The following PTPRA variants were observed in gnomAD, a reference collection of about 807,000 sequenced individuals.
The protein encoded by PTPRA is protein tyrosine phosphatase receptor type A.
PTPRA carries 25 observed loss-of-function variants against 104.8 expected under a neutral mutation model. That is an observed-to-expected ratio of 0.24 (90% confidence interval 0.17 to 0.33). PTPRA has a LOEUF of 0.33. PTPRA is among the 10% of genes least tolerant of loss of function. PTPRA has a pLI of 1.00. For synonymous variants in PTPRA, 323 were observed against 368.9 expected (o/e 0.88, Z 1.43); for missense variants, 765 against 1,015.3 (o/e 0.75, Z 3.35).
At chr20:2,957,994 T>C (rs145564957) in intron 3 of PTPRA, among the ~76,000 whole-genome samples, 2 of 151,964 alleles carry the variant, frequency 1.3e-5, no homozygotes, top group Non-Finnish European at 2.9e-5. Context: ...AGTATAGGGC[T>C]GACAGTTTGG....
At chr20:2,956,192 A>G (rs73581762) in intron 3 of PTPRA, among the ~76,000 whole-genome samples, 1,894 of 152,238 alleles carry the variant, frequency 0.012, 44 homozygotes, top group African/African-American at 0.044. Flanking sequence ...CCTTACTTCA[A>G]ACCCCACCAG....
In PTPRA at chr20:3,021,364, G is replaced by A. The variant is rs1462474461; in HGVS notation, c.1097G>A (p.Arg366Gln). 1.2e-6 allele frequency: 2 copies of A among 1,613,964 alleles called. No homozygotes were observed. The highest frequency in any genetic ancestry group is 1.3e-5 in the African/African-American group (1 of 74,912). The change falls in exon 14 of 24, where the codon CGG becomes CAG. Residue 366 changes from arginine to glutamine, a missense_variant. This residue lies in a region of PTPRA where 245 missense variants were observed against 398.7 expected (regional missense o/e 0.61). Transcript: ENST00000399903. ...GGCTGCTGGACCTATGGGAATATTC[G>A]GGTGTCTGTAGAGGATGTGACTGTC... ...DQGCWTYGNI[R>Q]VSVEDVTVLV...
chr20:2,908,778 G>T (rs898059153), intron 1 of PTPRA, among the ~76,000 whole-genome samples: 20 of 152,028 alleles, frequency 1.3e-4, no homozygotes, highest in Non-Finnish European at 2.6e-4. Context: ...GACATTCAAA[G>T]TGCATTTGTT....
intron 16 of PTPRA, among the ~76,000 whole-genome samples, chr20:3,023,872 G>A (rs1408229239): frequency 6.6e-6 from 1 of 152,232 alleles, no homozygotes; most frequent in Admixed American, 6.5e-5. Context: ...ACATCCACAG[G>A]TGTGGAGGGG....
chr20:2,946,849 GAAA>G (rs1021630128), intron 2 of PTPRA, among the ~76,000 whole-genome samples: 2 of 145,224 alleles, frequency 1.4e-5, no homozygotes, highest in Admixed American at 6.8e-5. Flanking sequence ...CTCCTTCTCA[GAAA>G]AAAAAAAAAT....
chr20:2,948,701 C>G (rs1250328775), intron 3 of PTPRA, among the ~76,000 whole-genome samples: 4 of 152,132 alleles, frequency 2.6e-5, no homozygotes, highest in Non-Finnish European at 5.9e-5. Context: ...CCTGGAATCC[C>G]AGCACTTTGG....
At chr20:2,945,282 T>G (rs2061081577) in intron 2 of PTPRA, among the ~76,000 whole-genome samples, 1 of 152,230 alleles carries the variant, frequency 6.6e-6, no homozygotes, top group South Asian at 2.1e-4. Flanking sequence ...TTTTATGGAC[T>G]AGACACTGTA....
chr20:2,866,146 T>C, the PTPRA span: 8 of 1,445,684 alleles, frequency 5.5e-6, no homozygotes, highest in Non-Finnish European at 6.8e-6. Flanking sequence ...GCGCCTCTGC[T>C]CGTAAGAGAG....
chr20:2,865,414 G>A, the PTPRA span: 1 of 1,614,180 alleles, frequency 6.2e-7, no homozygotes. The surrounding 1 kb of genome is among the most constrained non-coding windows in gnomAD (Gnocchi z 5.2). Flanking sequence ...GGTGGCTGAA[G>A]CTGACTGCCC....
At chr20:2,963,588 C>T (rs6037440) in intron 3 of PTPRA, among the ~76,000 whole-genome samples, 6 of 151,310 alleles carry the variant, frequency 4.0e-5, no homozygotes, top group East Asian at 1.9e-4. Context: ...TGCAAGACTC[C>T]GTCTCAAAAA....
rs1306813418 is a variant in PTPRA at position 2,986,815 on chromosome 20, A to T, written c.493A>T (p.Ile165Phe). 1.2e-6 allele frequency: 2 copies of T among 1,612,708 alleles called. No homozygotes were observed. Among genetic ancestry groups the T allele is most frequent in the Non-Finnish European group, 1.7e-6 (2 of 1,178,914 alleles). Residue 165 changes from isoleucine to phenylalanine, a missense_variant, in exon 7 of 24, where the codon ATC (isoleucine) becomes TTC (phenylalanine). This residue lies in a region of PTPRA where 256 missense variants were observed against 248.9 expected (regional missense o/e 1.03). Coordinates refer to ENST00000399903, the MANE Select transcript of PTPRA (RefSeq NM_001385305.1). ...GGTGGCCCTGTCCTCTCTGCTAGTG[A>T]TCGTGTTTATTATCATAGTTTTGTA... Reference protein sequence around the residue: ...VMVALSSLLVIVFIIIVLYML... With the variant: ...VMVALSSLLVFVFIIIVLYML...
At chr20:2,979,713 T>TTTGG (rs1026619907) in intron 6 of PTPRA, among the ~76,000 whole-genome samples, 7 of 151,946 alleles carry the variant, frequency 4.6e-5, no homozygotes, top group Non-Finnish European at 7.4e-5. Context: ...TGTTTGTTTG[T>TTTGG]TTGGTAGAGA....
rs2065730572 is a variant in PTPRA at position 3,035,059 on chromosome 20, C to T, written c.1921-526C>T. On this transcript the variant is annotated intron_variant, in intron 20 of 23. Coordinates refer to ENST00000399903, the MANE Select transcript of PTPRA (RefSeq NM_001385305.1). The surrounding 1 kb of genome is among the most constrained non-coding windows in gnomAD (Gnocchi z 5.8). ...GCAAGCAAAGACAGACAGTAGACCA[C>T]CTCCTGCTCACTAGCAAGGACAGAA... 6.6e-6 allele frequency among the ~76,000 whole-genome samples: 1 copy of T among 152,086 alleles called. No individual in the cohort carries two copies.
chr20:3,022,092 C>T lies in PTPRA; in HGVS notation c.1200C>T (p.Ile400=), dbSNP rs1040333129. 2 of 1,614,268 alleles carry T rather than the reference C, an allele frequency of 1.2e-6. No individual in the cohort carries two copies. Among genetic ancestry groups the T allele is most frequent in the Middle Eastern group, 3.3e-4 (2 of 6,062 alleles). Residue 400 remains isoleucine (I), a synonymous_variant, in exon 15 of 24, where the codon ATC becomes ATT. Transcript: ENST00000399903. This position sits in a 1 kb window ranked among gnomAD's most constrained non-coding sequence, Gnocchi z 4.6. Reference sequence around the variant, plus strand: ...CCAACAGAAAGCCACAGCGCCTCATCACTCAGTTCCACTTTACCAGCTGGC... The same window carrying T: ...CCAACAGAAAGCCACAGCGCCTCATTACTCAGTTCCACTTTACCAGCTGGC... ...DMTNRKPQRL[I]TQFHFTSWPD... is the part of the protein sequence containing the mutation.
chr20:2,995,268 T>C (rs780613235), intron 9 of PTPRA, among the ~76,000 whole-genome samples: 82 of 151,246 alleles, frequency 5.4e-4, no homozygotes, highest in Non-Finnish European at 1.2e-4. Flanking sequence ...CTTCTGGATA[T>C]TTATTAGCTC....
chr20:2,945,494 G>A (rs997256538), intron 2 of PTPRA, among the ~76,000 whole-genome samples: 1 of 152,086 alleles, frequency 6.6e-6, no homozygotes, highest in African/African-American at 2.4e-5. Context: ...TATGTGTGGA[G>A]TACTTTGCTA....
At chr20:2,882,905 T>G (rs896214539) in intron 1 of PTPRA, among the ~76,000 whole-genome samples, 2 of 152,124 alleles carry the variant, frequency 1.3e-5, no homozygotes, top group African/African-American at 4.8e-5. Context: ...AATGCCAACT[T>G]TTTGTTATGG....
At chr20:2,976,350 A>G (rs1286872624) in intron 6 of PTPRA, among the ~76,000 whole-genome samples, 2 of 152,222 alleles carry the variant, frequency 1.3e-5, no homozygotes, top group African/African-American at 2.4e-5. Flanking sequence ...TCAAAAGTCA[A>G]AGTGGTAGGC....
chr20:2,940,751 T>C (rs1017579390), intron 2 of PTPRA, among the ~76,000 whole-genome samples: 1 of 152,174 alleles, frequency 6.6e-6, no homozygotes, highest in African/African-American at 2.4e-5. Context: ...GAATATGCCA[T>C]GTTCATTTGT....
Sources: allele counts gnomAD v4.1 joint callset (sites outside exome capture counted in the v4.1 genomes callset), GRCh38; gene constraint gnomAD v4.1.1; regional missense constraint gnomAD v4.1.1; non-coding constraint Gnocchi (gnomAD v3.1); transcripts MANE v1.5; gene names NCBI Gene and HGNC (gene_info 2026-07-23, HGNC 2026-07-21).